FAM83D: variants seen among roughly 807,000 people sequenced by gnomAD.
FAM83D encodes the protein scaffolding CK1 anchoring protein D.
In FAM83D, 26 loss-of-function variants were observed where a neutral mutation model predicts 25.4. That is an observed-to-expected ratio of 1.02 (90% CI 0.75 to 1.42). FAM83D has a LOEUF of 1.42. Ranked by LOEUF, FAM83D falls within the 40% of genes most tolerant of loss-of-function variation. FAM83D has a pLI of 0.00. For synonymous variants in FAM83D, 310 were observed against 318.5 expected (o/e 0.97, Z 0.28); for missense variants, 740 against 758.1 (o/e 0.98, Z 0.28).
In FAM83D at chr20:38,926,910, C is replaced by T. The variant is rs1383497031; in HGVS notation, c.468C>T (p.Leu156=). ...YGCKDALRQQ[L]RSAREVIAVV... The stretch of plus-strand genomic sequence containing the variant: ...GCAAGGACGCTCTGCGCCAGCAGCT[C>T]CGCTCGGCGCGAGAGGTGAGCGGCC... The change falls in exon 1 of 4, where the codon CTC becomes CTT. Residue 156 remains leucine (L), a synonymous_variant. Transcript: ENST00000619850. The T allele has an allele frequency of 2.7e-6, 4 of 1,462,398 alleles. No individual in the cohort carries two copies. Among genetic ancestry groups the T allele is most frequent in the Admixed American group, 5.0e-5 (2 of 40,390 alleles). The allele number at this position is 1,462,398 out of a possible 1,614,324, so 90.6% of individuals were successfully genotyped here.
intron 1 of FAM83D, among the ~76,000 whole-genome samples, chr20:38,939,235 A>G (rs1201358293): frequency 6.6e-6 from 1 of 152,180 alleles, no homozygotes; most frequent in African/African-American, 2.4e-5. Flanking sequence ...CTTGTGCTTC[A>G]GCTCAAATGC....
chr20:38,926,675 A>C lies in FAM83D; in HGVS notation c.233A>C (p.Glu78Ala). The C allele has an allele frequency of 6.6e-7, 1 of 1,525,774 alleles. No individual in the cohort carries two copies. The highest frequency in any genetic ancestry group is 8.8e-7 in the Non-Finnish European group (1 of 1,142,758). The allele number at this position is 1,525,774 out of a possible 1,614,324, so 94.5% of individuals were successfully genotyped here. ...CGCGCGGCGGAGAGGCCGGGAGAGGAGGGCGCGGCGGCGGCGGCGGCGGCC... is the reference window on the plus strand; with the variant it reads ...CGCGCGGCGGAGAGGCCGGGAGAGGCGGGCGCGGCGGCGGCGGCGGCGGCC... ...ILRAAERPGE[E>A]GAAAAAAAED... The change falls in exon 1 of 4, where the codon GAG becomes GCG. Residue 78 changes from glutamate to alanine, a missense_variant. This residue lies in a region of FAM83D where 333 missense variants were observed against 298.6 expected (regional missense o/e 1.12). Coordinates refer to ENST00000619850, the MANE Select transcript of FAM83D (RefSeq NM_030919.3).
At chr20:38,933,864 CT>C (rs113072441) in intron 1 of FAM83D, among the ~76,000 whole-genome samples, 1,705 of 144,048 alleles carry the variant, frequency 0.012, 24 homozygotes, top group African/African-American at 0.036. Context: ...TTCTTTCTTT[CT>C]TTTTTTTTTT....
At chr20:38,948,279 A>G (rs6101352) in intron 3 of FAM83D, among the ~76,000 whole-genome samples, 8,847 of 152,270 alleles carry the variant, frequency 0.058, 850 homozygotes, top group African/African-American at 0.2. Flanking sequence ...GCCTTGGCCC[A>G]GGTCTGCAGG....
intron 2 of FAM83D, among the ~76,000 whole-genome samples, chr20:38,946,397 T>G (rs892047149): frequency 1.3e-5 from 2 of 152,132 alleles, no homozygotes; most frequent in Non-Finnish European, 2.9e-5. Flanking sequence ...TACAGAAAAG[T>G]TTCATGTACC....
At chr20:38,943,775 C>T (rs1303461706) in intron 2 of FAM83D, among the ~76,000 whole-genome samples, 1 of 152,190 alleles carries the variant, frequency 6.6e-6, no homozygotes, top group Non-Finnish European at 1.5e-5. Flanking sequence ...ACTGCAACTT[C>T]TGCCTCCCGG....
At chr20:38,934,945 T>C (rs1463403594) in intron 1 of FAM83D, among the ~76,000 whole-genome samples, 1 of 152,214 alleles carries the variant, frequency 6.6e-6, no homozygotes, top group African/African-American at 2.4e-5. Flanking sequence ...TCTAGAACAA[T>C]GTGTAGTATT....
intron 2 of FAM83D, among the ~76,000 whole-genome samples, chr20:38,947,373 C>T (rs1206331788): frequency 6.6e-6 from 1 of 152,218 alleles, no homozygotes; most frequent in Admixed American, 6.5e-5. Flanking sequence ...TCCTATTCTC[C>T]ATACCCATTA....
At position 38,951,853 on chromosome 20, in the gene FAM83D, A is replaced by G. The variant is rs777810924; in HGVS notation, c.1091A>G (p.Glu364Gly). 1 of 1,614,198 alleles carries G rather than the reference A, an allele frequency of 6.2e-7. No individual in the cohort carries two copies. Among genetic ancestry groups the G allele is most frequent in the Non-Finnish European group, 8.5e-7 (1 of 1,180,026 alleles). Residue 364 changes from glutamate (E) to glycine (G), a missense_variant, in exon 4 of 4, where the codon GAG becomes GGG. By Grantham distance (98) the Glu-to-Gly change is moderately conservative. Around this residue, in one of 3 missense-constraint regions of FAM83D, gnomAD observed 375 missense variants for 403.2 expected, o/e 0.93. Transcript: ENST00000619850. Reference sequence around the variant, plus strand: ...GCAGAGCGCAAGCCCCATGACTGTGAGTCCTCTACTGTTAGTGAGGAAGAC... The same window carrying G: ...GCAGAGCGCAAGCCCCATGACTGTGGGTCCTCTACTGTTAGTGAGGAAGAC... ...GKAERKPHDC[E>G]SSTVSEEDYF...
chr20:38,952,410 T>C lies in FAM83D; in HGVS notation c.1648T>C (p.Ser550Pro). The C allele has an allele frequency of 6.2e-7, 1 of 1,614,220 alleles. No homozygotes were observed. The highest frequency in any genetic ancestry group is 8.5e-7 in the Non-Finnish European group (1 of 1,180,048). The change falls in exon 4 of 4, where the codon TCA becomes CCA. Residue 550 changes from serine (S) to proline (P), a missense_variant. Ser to Pro is a moderately conservative substitution (Grantham distance 74). Around this residue, in one of 3 missense-constraint regions of FAM83D, gnomAD observed 375 missense variants for 403.2 expected, o/e 0.93. Coordinates refer to ENST00000619850, the MANE Select transcript of FAM83D (RefSeq NM_030919.3). Reference sequence around the variant, plus strand: ...GCTCAACCACATGCTGGCTATGCTGTCAAGGAGAACACTCTTTACTGAAAA... The same window carrying C: ...GCTCAACCACATGCTGGCTATGCTGCCAAGGAGAACACTCTTTACTGAAAA... ...SRLNHMLAML[S>P]RRTLFTENHL...
chr20:38,930,816 T>A (rs550821145), intron 1 of FAM83D, among the ~76,000 whole-genome samples: 29 of 152,264 alleles, frequency 1.9e-4, no homozygotes, highest in African/African-American at 7.0e-4. Flanking sequence ...TTTTGTATTT[T>A]TAGTAGAGAT....
intron 1 of FAM83D, among the ~76,000 whole-genome samples, chr20:38,935,777 CAG>C (rs1020429723): frequency 5.9e-5 from 9 of 152,146 alleles, no homozygotes; most frequent in African/African-American, 2.2e-4. Context: ...GCCTCTGAAA[CAG>C]AGGGAGAACA....
chr20:38,941,841 G>T lies in FAM83D; in HGVS notation c.484-118G>T, dbSNP rs1229483481. The stretch of plus-strand genomic sequence containing the variant: ...CCAACACTGCAGAAGGGGGAGGGAA[G>T]GATAACTGTTGGATAGGGATCATTT... On this transcript the variant is annotated intron_variant, in intron 1 of 3. Transcript: ENST00000619850. The T allele has an allele frequency of 4.1e-6, 4 of 985,050 alleles. No homozygotes were observed. The South Asian group carries it at 4.4e-5, about 11-fold the overall frequency. The allele number at this position is 985,050 out of a possible 1,614,324, so 61.0% of individuals were successfully genotyped here. A position where few individuals can be genotyped will look rare whatever the true frequency, so the allele number is the denominator to read the frequency against.
At chr20:38,935,549 C>A (rs569810594) in intron 1 of FAM83D, among the ~76,000 whole-genome samples, 1 of 152,310 alleles carries the variant, frequency 6.6e-6, no homozygotes, top group Non-Finnish European at 1.5e-5. Context: ...CTCAAGTAAT[C>A]CTCCTGCCTC....
chr20:38,926,435 G>GCGC lies in FAM83D; in HGVS notation c.-3_-1dup. 1.9e-6 allele frequency: 3 copies of GCGC among 1,598,014 alleles called. No homozygotes were observed. Among genetic ancestry groups the GCGC allele is most frequent in the Non-Finnish European group, 2.5e-6 (3 of 1,178,698 alleles). On this transcript the variant is annotated 5_prime_UTR_variant, in exon 1 of 4. Coordinates refer to ENST00000619850, the MANE Select transcript of FAM83D (RefSeq NM_030919.3). ...TTTGTCCGAGGGCTGTCGAGTCCGA[G>GCGC]CGCCGCCATGGCTCTGCTGTCCGAG... is the stretch of plus-strand genomic sequence containing the variant.
chr20:38,939,704 T>C (rs1214790967), intron 1 of FAM83D, among the ~76,000 whole-genome samples: 12 of 152,296 alleles, frequency 7.9e-5, no homozygotes, highest in African/African-American at 2.9e-4. Flanking sequence ...CTGCATCCTG[T>C]GTCCTCTCCT....
chr20:38,948,020 A>G lies in FAM83D; in HGVS notation c.776+20A>G, dbSNP rs200195397. On this transcript the variant is annotated intron_variant, in intron 3 of 3. Coordinates refer to ENST00000619850, the MANE Select transcript of FAM83D (RefSeq NM_030919.3). ...CTACAGGTAAGTCTCTAACCCGTCC[A>G]AGGCTTATTAATCTAAACTCTTCAG... The G allele has an allele frequency of 1.9e-5, 31 of 1,612,578 alleles. No individual in the cohort carries two copies. Among genetic ancestry groups the G allele is most frequent in the South Asian group, 4.4e-5 (4 of 90,804 alleles).
At chr20:38,943,226 T>C (rs752241325) in intron 2 of FAM83D, among the ~76,000 whole-genome samples, 1 of 152,156 alleles carries the variant, frequency 6.6e-6, no homozygotes, top group Non-Finnish European at 1.5e-5. Context: ...GGTTTTGCCA[T>C]GTTGTCCAGG....
At position 38,926,521 on chromosome 20, in the gene FAM83D, C is replaced by G. The variant is rs1244090438; in HGVS notation, c.79C>G (p.Leu27Val). ...SPCGPPNPTE[L>V]FSESRRLALE... ...GTGCGGGCCGCCCAACCCGACCGAG[C>G]TGTTCAGCGAGTCACGGCGCCTGGC... Residue 27 changes from leucine to valine, a missense_variant, in exon 1 of 4, where the codon CTG becomes GTG. By Grantham distance (32) the Leu-to-Val change is conservative. This residue lies in a region of FAM83D where 333 missense variants were observed against 298.6 expected (regional missense o/e 1.12). Coordinates refer to ENST00000619850, the MANE Select transcript of FAM83D (RefSeq NM_030919.3). 2.5e-6 allele frequency: 4 copies of G among 1,593,554 alleles called. No individual in the cohort carries two copies. The highest frequency in any genetic ancestry group is 3.4e-6 in the Non-Finnish European group (4 of 1,176,588).
Sources: gnomAD v4.1 joint callset for allele counts (sites outside exome capture counted in the v4.1 genomes callset) on GRCh38, gnomAD v4.1.1 for gene constraint, gnomAD v4.1.1 regional missense constraint, MANE v1.5 for transcripts, NCBI Gene and HGNC (gene_info 2026-07-23, HGNC 2026-07-21) for gene names.